Variants in F3 observed in about 807,000 individuals in gnomAD.
F3 encodes coagulation factor III, tissue factor.
Under a neutral mutation model 33.5 loss-of-function variants are expected in F3, and 18 were observed. That is an observed-to-expected ratio of 0.54 (90% CI 0.37 to 0.80). F3 has a LOEUF of 0.80. Among genes scored for constraint, F3 ranks in the 30% least tolerant of loss-of-function variants. The probability of loss-of-function intolerance (pLI) is 0.00; values close to 1 mark genes in which losing one functional copy is unlikely to be tolerated. For synonymous variants in F3, 147 were observed against 140.7 expected (o/e 1.05, Z -0.32); for missense variants, 353 against 362.1 (o/e 0.97, Z 0.20).
chr1:94,531,749 C>T (rs1428436122), intron 5 of F3, among the ~76,000 whole-genome samples: 4 of 152,220 alleles, frequency 2.6e-5, no homozygotes, highest in Admixed American at 6.5e-5. Context: ...GACTGTTCCT[C>T]GCACAATGGG....
At chr1:94,541,196 T>C (rs1651765049) in intron 1 of F3, 1 of 275,102 alleles carries the variant, frequency 3.6e-6, no homozygotes, top group Non-Finnish European at 6.8e-6. Context: ...CCTATCATAT[T>C]GAAGGTCGCA....
intron 5 of F3, among the ~76,000 whole-genome samples, chr1:94,530,905 TG>T (rs1326939707): frequency 3.9e-5 from 6 of 152,290 alleles, no homozygotes; most frequent in South Asian, 2.1e-4. Flanking sequence ...CTGAGATTGA[TG>T]GCAATGATTA....
At chr1:94,539,936 T>C (rs372528971) in intron 2 of F3, among the ~76,000 whole-genome samples, 4 of 152,212 alleles carry the variant, frequency 2.6e-5, no homozygotes, top group East Asian at 3.8e-4. Flanking sequence ...TAGATGAGAT[T>C]AATTAATCTA....
rs1291836217 is a variant in F3, at chr1:94,531,287, TC to T, written c.752-692del. 7.3e-5 allele frequency among the ~76,000 whole-genome samples: 10 copies of T among 137,252 alleles called. No individual in the cohort carries two copies. The Admixed American group carries it at 8.4e-4, about 12-fold the overall frequency. The allele number at this position is 137,252 out of a possible 152,430, so 90.0% of individuals were successfully genotyped here. A position where few individuals can be genotyped will look rare whatever the true frequency, so the allele number is the denominator to read the frequency against. On this transcript the variant is annotated intron_variant, in intron 5 of 5. Transcript: ENST00000334047. Reference sequence around the variant, plus strand: ...CTTCACATGGAGCTAAGCCATCATTTCTTTTTTCGTTGTTTCTTTTTTTTTT... The same window carrying T: ...CTTCACATGGAGCTAAGCCATCATTTTTTTTTCGTTGTTTCTTTTTTTTTT...
In F3 at chr1:94,540,447, A is replaced by T. The variant is rs1651738549; in HGVS notation, c.101-79T>A. 21 of 805,382 alleles carry T rather than the reference A, an allele frequency of 2.6e-5. No homozygotes were observed. The South Asian group carries it at 3.3e-4, about 13-fold the overall frequency. The allele number at this position is 805,382 out of a possible 1,614,324, so 49.9% of individuals were successfully genotyped here. ...GTATTGATGTATAAAACACCTTCCC[A>T]CCTGACATCACCATAAACCTCACTT... is the stretch of plus-strand genomic sequence containing the variant. On this transcript the variant is annotated intron_variant, in intron 1 of 5. Transcript: ENST00000334047.
chr1:94,541,413 C>T, intron 1 of F3, 124 bp downstream of exon 1: 2 of 736,848 alleles, frequency 2.7e-6, no homozygotes, highest in East Asian at 6.8e-5. Context: ...GCAGCCGAGT[C>T]CCGTAGGCGC....
rs545005692 is a variant in F3, at chr1:94,541,474, A to G, written c.100+63T>C. Reference sequence around the variant, plus strand: ...AACCAGGGCGAGCCCGCTGCCAGCCAGGACTGTCGCCTCCCTCCTGCGTGT... The same window carrying G: ...AACCAGGGCGAGCCCGCTGCCAGCCGGGACTGTCGCCTCCCTCCTGCGTGT... On this transcript the variant is annotated intron_variant, in intron 1 of 5. Transcript: ENST00000334047. 67 of 1,281,668 alleles carry G rather than the reference A, an allele frequency of 5.2e-5. No individual in the cohort carries two copies. The African/African-American group carries it at 1.0e-3, about 20-fold the overall frequency. The allele number at this position is 1,281,668 out of a possible 1,614,324, so 79.4% of individuals were successfully genotyped here.
At chr1:94,532,198 G>A in intron 5 of F3, 123 bp downstream of exon 5, 5 of 918,950 alleles carry the variant, frequency 5.4e-6, no homozygotes, top group Non-Finnish European at 4.7e-6. Context: ...AAACCTCCAG[G>A]CAGTTTGTTT....
In F3 at chr1:94,536,035, A is replaced by G; in HGVS notation, c.342T>C (p.Asn114=). The change falls in exon 3 of 6, where the codon AAT becomes AAC. Residue 114 remains asparagine (N), a synonymous_variant. Coordinates refer to ENST00000334047, the MANE Select transcript of F3 (RefSeq NM_001993.5). ...CCCCAGCAGAACCGGTGCTCTCCAC[A>G]TTCCCTGCCGGGTAGGAGAAGACCC... The part of the protein sequence containing the change: ...LARVFSYPAG[N]VESTGSAGEP... 1 of 1,614,150 alleles carries G rather than the reference A, an allele frequency of 6.2e-7. No homozygotes were observed. The highest frequency in any genetic ancestry group is 8.5e-7 in the Non-Finnish European group (1 of 1,180,028).
intron 4 of F3, 37 bp from the exon 5 acceptor site, chr1:94,532,517 T>A: frequency 6.2e-7 from 1 of 1,606,638 alleles, no homozygotes. Context: ...ATCTGGGCTC[T>A]GAGTCAATTC....
At chr1:94,536,240 C>T in intron 2 of F3, 76 bp from the exon 3 acceptor site, 1 of 1,259,222 alleles carries the variant, frequency 7.9e-7, no homozygotes, top group Non-Finnish European at 1.1e-6. Flanking sequence ...TGCTTCCTGG[C>T]TGTGGTGTTC....
At position 94,530,464 on chromosome 1, in the gene F3, G is replaced by A. The variant is rs1311027243; in HGVS notation, c.884C>T (p.Ser295Leu). The change falls in exon 6 of 6, where the codon TCA (serine) becomes TTA (leucine). Residue 295 changes from serine (S) to leucine (L), a missense_variant. Transcript: ENST00000334047. ...GTAGCTCCAACAGTGCTTCCTTTAT[G>A]AAACATTCAGTGGGGAGTTCTCCTT... ...SWKENSPLNV[S>L] is the part of the protein sequence containing the mutation. 1.2e-6 allele frequency: 2 copies of A among 1,614,044 alleles called. No individual in the cohort carries two copies. The highest frequency in any genetic ancestry group is 4.5e-5 in the East Asian group (2 of 44,868).
chr1:94,533,754 G>A (rs948822210), intron 3 of F3, among the ~76,000 whole-genome samples: 10 of 152,194 alleles, frequency 6.6e-5, no homozygotes, highest in Admixed American at 2.0e-4. Context: ...TGACGAGGAT[G>A]AACACCTTTA....
At chr1:94,530,965 C>G (rs192794145) in intron 5 of F3, among the ~76,000 whole-genome samples, 3 of 152,242 alleles carry the variant, frequency 2.0e-5, no homozygotes, top group Non-Finnish European at 4.4e-5. Flanking sequence ...AAAGTGCTAC[C>G]AGGATTTGGG....
rs1651791538 is a variant in F3, at chr1:94,541,644, A to G, written c.-8T>C. 7.2e-7 allele frequency: 1 copy of G among 1,397,202 alleles called. No individual in the cohort carries two copies. Among genetic ancestry groups the G allele is most frequent in the Non-Finnish European group, 9.4e-7 (1 of 1,069,000 alleles). The allele number at this position is 1,397,202 out of a possible 1,614,324, so 86.6% of individuals were successfully genotyped here. A position where few individuals can be genotyped will look rare whatever the true frequency, so the allele number is the denominator to read the frequency against. ...CCAGGCAGGGGTCTCCATGTCTACC[A>G]GTTGGCGGCGAGATCGAGCGGGTTC... On this transcript the variant is annotated 5_prime_UTR_variant, in exon 1 of 6. Transcript: ENST00000334047.
At chr1:94,532,181 C>T in intron 5 of F3, 140 bp downstream of exon 5, 1 of 857,238 alleles carries the variant, frequency 1.2e-6, no homozygotes, top group South Asian at 1.9e-5. Context: ...AAACAAATAA[C>T]AACAAAAAAC....
chr1:94,536,267 G>T, intron 2 of F3, 103 bp from the exon 3 acceptor site: 1 of 1,007,964 alleles, frequency 9.9e-7, no homozygotes, highest in Non-Finnish European at 1.5e-6. Flanking sequence ...AACATCAGGA[G>T]CCCTACAATC....
Position 94,533,165 on chromosome 1 carries a change from G to T in F3, c.516C>A (p.Phe172Leu), listed in dbSNP as rs374192134. Residue 172 changes from phenylalanine to leucine, a missense_variant, in exon 4 of 6, where the codon TTC becomes TTA. Coordinates refer to ENST00000334047, the MANE Select transcript of F3 (RefSeq NM_001993.5). Reference protein sequence around the residue: ...ERTLVRRNNTFLSLRDVFGKD... With the variant: ...ERTLVRRNNTLLSLRDVFGKD... ...TGCCAAAAACATCCCGGAGGCTTAG[G>T]AAAGTGTTGTTCCTTCTGACTAAAG... The T allele has an allele frequency of 1.8e-5, 29 of 1,614,016 alleles. No individual in the cohort carries two copies. Among genetic ancestry groups the T allele is most frequent in the Admixed American group, 3.3e-5 (2 of 59,998 alleles).
intron 2 of F3, among the ~76,000 whole-genome samples, chr1:94,536,428 C>A (rs1324527334): frequency 1.3e-5 from 2 of 152,158 alleles, no homozygotes; most frequent in Non-Finnish European, 2.9e-5. Context: ...TCATACCTAG[C>A]AACACCGAGC....
Sources: allele counts gnomAD v4.1 joint callset (sites outside exome capture counted in the v4.1 genomes callset), GRCh38; gene constraint gnomAD v4.1.1; transcripts MANE v1.5; gene names NCBI Gene and HGNC (gene_info 2026-07-23, HGNC 2026-07-21).